The following GPHN variants were observed in gnomAD, a reference collection of about 807,000 sequenced individuals.
The protein encoded by GPHN is gephyrin.
Under a neutral mutation model 95.5 loss-of-function variants are expected in GPHN, and 17 were observed. The observed-to-expected ratio is 0.18, with a 90% CI of 0.12 to 0.27. The LOEUF is 0.27. Ranked by LOEUF, GPHN falls within the 10% of genes least tolerant of loss-of-function variation. The pLI, the probability that GPHN is intolerant of heterozygous loss-of-function variation, is 1.00. For missense variants in GPHN, 660 were observed against 978.1 expected (o/e 0.67, Z 4.34); for synonymous variants, 320 against 322.5 (o/e 0.99, Z 0.08).
chr14:66,998,901 A>G (rs1016075164), intron 9 of GPHN, among the ~76,000 whole-genome samples: 12 of 144,492 alleles, frequency 8.3e-5, no homozygotes, highest in Non-Finnish European at 1.2e-4. Context: ...ATATATATAT[A>G]TATACACATA....
At chr14:67,049,948 C>T (rs938976260) in intron 10 of GPHN, among the ~76,000 whole-genome samples, 1 of 152,172 alleles carries the variant, frequency 6.6e-6, no homozygotes, top group Admixed American at 6.5e-5. Context: ...CATGCATGCA[C>T]ACACAACCCT....
chr14:66,708,039 T>G (rs373550164), intron 2 of GPHN, among the ~76,000 whole-genome samples: 1 of 152,306 alleles, frequency 6.6e-6, no homozygotes, highest in East Asian at 1.9e-4. Context: ...CTCAATTGAT[T>G]GAACAGTTTG....
At chr14:66,659,108 A>G (rs1168864952) in intron 1 of GPHN, among the ~76,000 whole-genome samples, 1 of 151,800 alleles carries the variant, frequency 6.6e-6, no homozygotes, top group East Asian at 1.9e-4. Flanking sequence ...CTTTTCCTCT[A>G]TTCCAAAATT....
chr14:67,673,350 A>C, the GPHN span, among the ~76,000 whole-genome samples: 1 of 152,196 alleles, frequency 6.6e-6, no homozygotes, highest in South Asian at 2.1e-4. Context: ...TCTCAAAAAA[A>C]AAAATGATAA....
At chr14:67,062,578 T>TC (rs1440319978) in intron 11 of GPHN, among the ~76,000 whole-genome samples, 1 of 149,746 alleles carries the variant, frequency 6.7e-6, no homozygotes. Flanking sequence ...GTTGTGAAGG[T>TC]CATAGACACA....
the GPHN span, among the ~76,000 whole-genome samples, chr14:67,730,069 G>A: frequency 6.6e-6 from 1 of 152,318 alleles, no homozygotes; most frequent in South Asian, 2.1e-4. Context: ...AATAGCTAAT[G>A]TTGCTTGAGT....
chr14:66,706,363 T>C (rs2069082191), intron 2 of GPHN, among the ~76,000 whole-genome samples: 1 of 152,132 alleles, frequency 6.6e-6, no homozygotes, highest in African/African-American at 2.4e-5. Flanking sequence ...AAGACAATCC[T>C]AACCAAAAAG....
intron 2 of GPHN, among the ~76,000 whole-genome samples, chr14:66,748,945 C>T (rs532819326): frequency 3.9e-5 from 6 of 152,032 alleles, no homozygotes; most frequent in African/African-American, 1.4e-4. Flanking sequence ...CTTCAGAATA[C>T]TCAAACTGTA....
At chr14:67,275,825 G>A in the GPHN span, among the ~76,000 whole-genome samples, 3,656 of 152,098 alleles carry the variant, frequency 0.024, 69 homozygotes, top group Non-Finnish European at 0.036. Context: ...TCAGGGATTC[G>A]ACTTCTTCCT....
At chr14:67,185,274 G>A (rs763537035), downstream of GPHN, among the ~76,000 whole-genome samples, 2 of 152,150 alleles carry the variant, frequency 1.3e-5, no homozygotes, top group Admixed American at 1.3e-4. Context: ...GGAGAAAGAA[G>A]AGGAAAGAAG....
intron 1 of GPHN, among the ~76,000 whole-genome samples, chr14:66,672,289 G>T (rs1195345298): frequency 1.3e-5 from 2 of 151,938 alleles, no homozygotes; most frequent in Admixed American, 6.6e-5. Context: ...TTCCGTTATG[G>T]TCTGAGAGCC....
chr14:66,644,435 C>T (rs548945976), intron 1 of GPHN, among the ~76,000 whole-genome samples: 1 of 152,138 alleles, frequency 6.6e-6, no homozygotes, highest in Non-Finnish European at 1.5e-5. Flanking sequence ...ATCTATGCCA[C>T]CCACTACCAA....
chr14:66,903,489 A>G (rs879471743), intron 5 of GPHN, among the ~76,000 whole-genome samples: 1 of 152,160 alleles, frequency 6.6e-6, no homozygotes, highest in Non-Finnish European at 1.5e-5. Flanking sequence ...TCCCAGTTGC[A>G]TGGAATATCA....
chr14:67,291,417 T>C, the GPHN span, among the ~76,000 whole-genome samples: 1 of 151,962 alleles, frequency 6.6e-6, no homozygotes, highest in African/African-American at 2.4e-5. Context: ...CCGAAGTAGC[T>C]AGGATTACAG....
At chr14:66,879,816 A>G (rs2063845615) in intron 4 of GPHN, 123 bp from the exon 5 acceptor site, 3 of 709,870 alleles carry the variant, frequency 4.2e-6, no homozygotes, top group Non-Finnish European at 7.7e-6. Context: ...TAAATGTTTC[A>G]GAAACTAAAA....
At chr14:67,225,769 T>G in the GPHN span, among the ~76,000 whole-genome samples, 2 of 152,232 alleles carry the variant, frequency 1.3e-5, no homozygotes, top group Non-Finnish European at 2.9e-5. Flanking sequence ...TACTGTATTC[T>G]AAGTTTGTTC....
the GPHN span, among the ~76,000 whole-genome samples, chr14:67,484,267 G>A: frequency 6.6e-6 from 1 of 152,210 alleles, no homozygotes; most frequent in African/African-American, 2.4e-5. Flanking sequence ...AGTGCCTAGA[G>A]TGGTGCCTGG....
chr14:66,647,867 C>A (rs2064839968), intron 1 of GPHN, among the ~76,000 whole-genome samples: 1 of 152,082 alleles, frequency 6.6e-6, no homozygotes, highest in East Asian at 1.9e-4. Flanking sequence ...AATGTTAAAA[C>A]ATTGCAAACT....
At chr14:66,539,835 A>T (rs1291810197) in intron 1 of GPHN, among the ~76,000 whole-genome samples, 1 of 152,134 alleles carries the variant, frequency 6.6e-6, no homozygotes, top group Non-Finnish European at 1.5e-5. Context: ...TTATCTGCAC[A>T]CCTAGGAAGG....
Sources: gnomAD v4.1 joint callset for allele counts (sites outside exome capture counted in the v4.1 genomes callset) on GRCh38, gnomAD v4.1.1 for gene constraint, MANE v1.5 for transcripts, NCBI Gene and HGNC (gene_info 2026-07-23, HGNC 2026-07-21) for gene names.